The following ENOX1 variants were observed in gnomAD, a reference collection of about 807,000 sequenced individuals.
ENOX1 encodes candidate growth-related and time keeping constitutive hydroquinone (NADH) oxidase.
In ENOX1, 42 loss-of-function variants were observed where a neutral mutation model predicts 82.5. The ratio of observed to expected loss-of-function variants is 0.51; its 90% CI spans 0.40 to 0.66. The LOEUF (loss-of-function observed/expected upper bound fraction) is 0.66, where lower values mean the gene tolerates loss of function less well. Ranked by LOEUF, ENOX1 falls within the 30% of genes least tolerant of loss-of-function variation. ENOX1 has a pLI of 0.00. For missense variants in ENOX1, 608 were observed against 811.6 expected (o/e 0.75, Z 3.05); for synonymous variants, 271 against 282.2 (o/e 0.96, Z 0.40).
intron 2 of ENOX1, among the ~76,000 whole-genome samples, chr13:43,619,759 G>C (rs1221571645): frequency 6.6e-6 from 1 of 152,080 alleles, no homozygotes; most frequent in Non-Finnish European, 1.5e-5. Flanking sequence ...GGTGATGCTG[G>C]CTTCACAGAA....
intron 1 of ENOX1, among the ~76,000 whole-genome samples, chr13:43,706,493 C>G (rs1375401320): frequency 6.6e-6 from 1 of 151,824 alleles, no homozygotes; most frequent in African/African-American, 2.4e-5. Context: ...GATGTAAAAG[C>G]TGTAACAAAA....
intron 8 of ENOX1, among the ~76,000 whole-genome samples, chr13:43,355,456 G>A (rs2050085636): frequency 6.6e-6 from 1 of 152,198 alleles, no homozygotes; most frequent in Admixed American, 6.5e-5. Flanking sequence ...CTGCTGTTTT[G>A]CCTGAAGAAG....
At chr13:43,308,148 CA>C (rs67324902) in intron 11 of ENOX1, among the ~76,000 whole-genome samples, 144,855 of 152,004 alleles carry the variant, frequency 0.95, 69,443 homozygotes, top group East Asian at 1. Context: ...CCACCCTCCA[CA>C]CTTTGCCCTC....
At chr13:43,647,515 A>G (rs533067718) in intron 2 of ENOX1, among the ~76,000 whole-genome samples, 1 of 152,252 alleles carries the variant, frequency 6.6e-6, no homozygotes, top group South Asian at 2.1e-4. Flanking sequence ...TCAGGAACCA[A>G]ATTATCAAGA....
At chr13:43,381,762 A>G (rs1358417466) in intron 5 of ENOX1, among the ~76,000 whole-genome samples, 1 of 151,992 alleles carries the variant, frequency 6.6e-6, no homozygotes, top group Non-Finnish European at 1.5e-5. Flanking sequence ...AAATTTAACA[A>G]CTTGGAATAG....
Position 43,297,061 on chromosome 13 carries a change from AATCTC to A in ENOX1, c.1446+1280_1446+1284del, listed in dbSNP as rs2046324079. The stretch of plus-strand genomic sequence containing the variant: ...TTTTCCTGGCTGGCTCTGACCTCTG[AATCTC>A]ACTGATTAGTCTAACACACACTGTG... On this transcript the variant is annotated intron_variant, in intron 12 of 16. Transcript: ENST00000690772. Among the ~76,000 whole-genome samples, 3 of 152,346 alleles carry A rather than the reference AATCTC, an allele frequency of 2.0e-5. No individual in the cohort carries two copies. In the South Asian group the frequency reaches 6.2e-4, roughly 32 times the overall value.
At chr13:43,310,357 T>C (rs1171971038) in intron 11 of ENOX1, among the ~76,000 whole-genome samples, 1 of 152,126 alleles carries the variant, frequency 6.6e-6, no homozygotes, top group Non-Finnish European at 1.5e-5. Context: ...CTTGATTGAA[T>C]TAAAGAGGTC....
At chr13:43,616,165 T>TATATATAG (rs1566641699) in intron 2 of ENOX1, among the ~76,000 whole-genome samples, 1 of 5,722 alleles carries the variant, frequency 1.7e-4, no homozygotes, top group African/African-American at 2.7e-4. Flanking sequence ...TAGATATCTA[T>TATATATAG]CTATCTATCT....
At chr13:43,230,383 A>G (rs1012941935) in intron 15 of ENOX1, among the ~76,000 whole-genome samples, 2 of 152,154 alleles carry the variant, frequency 1.3e-5, no homozygotes, top group African/African-American at 4.8e-5. Context: ...GGACAGGGGC[A>G]GGAAATGGAC....
chr13:43,651,891 C>T (rs1325430425), intron 2 of ENOX1, among the ~76,000 whole-genome samples: 1 of 145,526 alleles, frequency 6.9e-6, no homozygotes, highest in Non-Finnish European at 1.5e-5. Flanking sequence ...AGGAGAATCA[C>T]TTGAACCCAG....
chr13:43,283,853 T>C (rs2045544714), intron 12 of ENOX1, among the ~76,000 whole-genome samples: 1 of 152,136 alleles, frequency 6.6e-6, no homozygotes, highest in Admixed American at 6.5e-5. Context: ...TTTAGCTGCG[T>C]CCCACAAGTT....
At chr13:43,673,098 A>G (rs2085343372) in intron 1 of ENOX1, among the ~76,000 whole-genome samples, 1 of 152,116 alleles carries the variant, frequency 6.6e-6, no homozygotes, top group African/African-American at 2.4e-5. Flanking sequence ...TGGCTTACAG[A>G]AAAGATAAAC....
intron 2 of ENOX1, among the ~76,000 whole-genome samples, chr13:43,655,179 G>T (rs1184658679): frequency 6.6e-6 from 1 of 152,088 alleles, no homozygotes; most frequent in East Asian, 1.9e-4. Flanking sequence ...GGAATGGGTG[G>T]GGCAAGGACT....
intron 12 of ENOX1, among the ~76,000 whole-genome samples, chr13:43,293,909 T>C (rs1323146266): frequency 1.3e-5 from 2 of 152,194 alleles, no homozygotes; most frequent in Non-Finnish European, 2.9e-5. Flanking sequence ...TAACAATGCA[T>C]ACACAGAAAA....
At chr13:43,362,005 A>G (rs1051205778) in intron 5 of ENOX1, among the ~76,000 whole-genome samples, 4 of 150,844 alleles carry the variant, frequency 2.7e-5, no homozygotes, top group Admixed American at 6.6e-5. Context: ...CAAAACAAAG[A>G]GTGATTACAA....
intron 1 of ENOX1, among the ~76,000 whole-genome samples, chr13:43,719,943 TA>T (rs1024489958): frequency 1.6e-4 from 24 of 152,248 alleles, no homozygotes; most frequent in African/African-American, 7.2e-5. Flanking sequence ...TTCTCACATG[TA>T]AAGAAAATAA....
At chr13:43,517,971 T>A (rs2153680843) in intron 2 of ENOX1, among the ~76,000 whole-genome samples, 1 of 152,242 alleles carries the variant, frequency 6.6e-6, no homozygotes, top group African/African-American at 2.4e-5. Context: ...CCACATGGTT[T>A]ATGGTATTTT....
intron 2 of ENOX1, among the ~76,000 whole-genome samples, chr13:43,611,097 G>T (rs1176393817): frequency 6.6e-6 from 1 of 152,118 alleles, no homozygotes; most frequent in African/African-American, 2.4e-5. Flanking sequence ...CACCTTGGGG[G>T]CCTTGTAATA....
chr13:43,342,715 G>A (rs894425640), intron 9 of ENOX1, among the ~76,000 whole-genome samples: 17 of 152,154 alleles, frequency 1.1e-4, no homozygotes, highest in Non-Finnish European at 1.6e-4. Context: ...TCAACACAAC[G>A]TCCAACATTC....
Sources: gnomAD v4.1 joint callset for allele counts (sites outside exome capture counted in the v4.1 genomes callset) on GRCh38, gnomAD v4.1.1 for gene constraint, MANE v1.5 for transcripts, NCBI Gene and HGNC (gene_info 2026-07-23, HGNC 2026-07-21) for gene names.